The following FAM3C variants were observed in gnomAD, a reference collection of about 807,000 sequenced individuals.
The protein encoded by FAM3C is FAM3 metabolism regulating signaling molecule C.
In FAM3C, 15 loss-of-function variants were observed where a neutral mutation model predicts 32.5. The observed-to-expected ratio is 0.46, with a 90% confidence interval of 0.31 to 0.71. The LOEUF is 0.71. Among genes scored for constraint, FAM3C ranks in the 30% least tolerant of loss-of-function variants. The pLI, the probability that FAM3C is intolerant of heterozygous loss-of-function variation, is 0.05. For missense variants in FAM3C, 175 were observed against 274.4 expected, an observed-to-expected ratio of 0.64 and a Z score of 2.56; for synonymous variants, 75 against 86.1, an observed-to-expected ratio of 0.87 and a Z score of 0.72.
rs1793889022 is a variant in FAM3C, at chr7:121,360,073, A to G, written c.437T>C (p.Leu146Ser). Residue 146 changes from leucine (L) to serine (S), a missense_variant, in exon 8 of 10, where the codon TTA (leucine) becomes TCA (serine). Coordinates refer to ENST00000359943, the MANE Select transcript of FAM3C (RefSeq NM_014888.3). Reference sequence around the variant, plus strand: ...TGCTCCATCATCGTATGTTCCCATTAAAACTATTGTTCCATCTTGTATGGC... The same window carrying G: ...TGCTCCATCATCGTATGTTCCCATTGAAACTATTGTTCCATCTTGTATGGC... The part of the protein sequence containing the change: ...LKAIQDGTIV[L>S]MGTYDDGATK... The G allele has an allele frequency of 1.3e-6, 2 of 1,593,862 alleles. No homozygotes were observed. The highest frequency in any genetic ancestry group is 1.7e-6 in the Non-Finnish European group (2 of 1,162,146).
intron 9 of FAM3C, 88 bp downstream of exon 9, chr7:121,351,055 C>A: frequency 8.2e-7 from 1 of 1,220,950 alleles, no homozygotes; most frequent in South Asian, 1.5e-5. Context: ...TCCGCTTTAT[C>A]TAATTTTCAA....
At chr7:121,374,802 G>A (rs1486459477) in intron 3 of FAM3C, among the ~76,000 whole-genome samples, 1 of 152,168 alleles carries the variant, frequency 6.6e-6, no homozygotes, top group Non-Finnish European at 1.5e-5. Flanking sequence ...CACTTTGCAG[G>A]TTCTTAACAT....
intron 3 of FAM3C, among the ~76,000 whole-genome samples, chr7:121,374,858 C>T (rs187578483): frequency 2.6e-4 from 40 of 152,302 alleles, no homozygotes; most frequent in Non-Finnish European, 4.6e-4. Context: ...AGTAACTCAA[C>T]GTTTGTTCAT....
intron 8 of FAM3C, among the ~76,000 whole-genome samples, chr7:121,352,319 G>GT (rs34520973): frequency 0.13 from 20,467 of 151,954 alleles, 3,526 homozygotes; most frequent in African/African-American, 0.4. Flanking sequence ...TACTCTTATG[G>GT]TTTTTTTAAA....
chr7:121,361,871 G>A (rs892511275), intron 7 of FAM3C, among the ~76,000 whole-genome samples: 5 of 152,174 alleles, frequency 3.3e-5, no homozygotes, highest in Non-Finnish European at 7.3e-5. Context: ...TAGAGACGGG[G>A]TTTCGCTGTG....
intron 8 of FAM3C, 82 bp from the exon 9 acceptor site, chr7:121,351,351 A>C: frequency 1.6e-6 from 2 of 1,260,842 alleles, no homozygotes; most frequent in Non-Finnish European, 2.1e-6. Flanking sequence ...TTAACACAAA[A>C]CATGAGACAA....
intron 1 of FAM3C, among the ~76,000 whole-genome samples, chr7:121,386,573 C>T (rs903582939): frequency 6.6e-6 from 1 of 151,762 alleles, no homozygotes; most frequent in African/African-American, 2.4e-5. Context: ...CACACACACA[C>T]AAACACGCAC....
At chr7:121,392,613 T>C (rs1290493518) in intron 1 of FAM3C, among the ~76,000 whole-genome samples, 1 of 152,208 alleles carries the variant, frequency 6.6e-6, no homozygotes, top group Non-Finnish European at 1.5e-5. Context: ...ACCTTGCGTC[T>C]TTCAAAACTC....
chr7:121,353,331 C>A (rs1259344920), intron 8 of FAM3C, among the ~76,000 whole-genome samples: 2 of 152,102 alleles, frequency 1.3e-5, no homozygotes, highest in African/African-American at 4.8e-5. Flanking sequence ...TATGAATAAA[C>A]CAAGCTGATT....
chr7:121,383,039 C>A, intron 1 of FAM3C, 29 bp from the exon 2 acceptor site: 1 of 1,225,108 alleles, frequency 8.2e-7, no homozygotes, highest in South Asian at 1.3e-5. Context: ...AAGCAAATAT[C>A]ATTAGCTCTA....
intron 1 of FAM3C, among the ~76,000 whole-genome samples, chr7:121,388,235 A>AC (rs1794502253): frequency 1.4e-5 from 2 of 147,920 alleles, no homozygotes; most frequent in South Asian, 2.2e-4. Context: ...CCACCATTTT[A>AC]ACACACACAC....
intron 1 of FAM3C, among the ~76,000 whole-genome samples, chr7:121,385,376 T>C (rs1283870839): frequency 6.6e-6 from 1 of 152,174 alleles, no homozygotes; most frequent in East Asian, 1.9e-4. Flanking sequence ...CCAAATCCAG[T>C]TGCTAATATG....
intron 8 of FAM3C, 90 bp from the exon 9 acceptor site, chr7:121,351,359 C>A: frequency 8.6e-7 from 1 of 1,157,704 alleles, no homozygotes; most frequent in Non-Finnish European, 1.2e-6. Flanking sequence ...AAACATGAGA[C>A]AAAATGAGAC....
chr7:121,389,958 C>A (rs1359450337), intron 1 of FAM3C, among the ~76,000 whole-genome samples: 1 of 152,144 alleles, frequency 6.6e-6, no homozygotes, highest in African/African-American at 2.4e-5. Flanking sequence ...ATTACACCCC[C>A]ATATACACCT....
At position 121,371,175 on chromosome 7, in the gene FAM3C, A is replaced by G. The variant is rs1268934208; in HGVS notation, c.272+125T>C. 4 of 1,200,966 alleles carry G rather than the reference A, an allele frequency of 3.3e-6. No homozygotes were observed. The African/African-American group carries it at 6.1e-5, about 18-fold the overall frequency. The allele number at this position is 1,200,966 out of a possible 1,614,324, so 74.4% of individuals were successfully genotyped here. A position where few individuals can be genotyped will look rare whatever the true frequency, so the allele number is the denominator to read the frequency against. ...TTCATGAGAAAAAAACTACATAACA[A>G]AAATGGAAATCACTTTCCATTAATA... is the stretch of plus-strand genomic sequence containing the variant. On this transcript the variant is annotated intron_variant, in intron 5 of 9. Transcript: ENST00000359943.
At chr7:121,378,521 T>A (rs910802046) in intron 3 of FAM3C, among the ~76,000 whole-genome samples, 2 of 152,140 alleles carry the variant, frequency 1.3e-5, no homozygotes, top group Non-Finnish European at 2.9e-5. Context: ...CTAAAATGCA[T>A]TACCGTGACT....
intron 5 of FAM3C, among the ~76,000 whole-genome samples, chr7:121,365,229 A>G (rs1013625551): frequency 6.6e-6 from 1 of 152,162 alleles, no homozygotes; most frequent in African/African-American, 2.4e-5. Context: ...TATGGTTGCA[A>G]TTGATGAATG....
chr7:121,378,359 C>T (rs1335653212), intron 3 of FAM3C, among the ~76,000 whole-genome samples: 1 of 151,924 alleles, frequency 6.6e-6, no homozygotes, highest in African/African-American at 2.4e-5. Flanking sequence ...TTACTGTCAC[C>T]CAGGCTGGAG....
At chr7:121,393,451 A>G in intron 1 of FAM3C, among the ~76,000 whole-genome samples, 1 of 152,246 alleles carries the variant, frequency 6.6e-6, no homozygotes, top group East Asian at 1.9e-4. Flanking sequence ...AAATAATTTA[A>G]AAATAAAATG....
Sources: gnomAD v4.1 joint callset for allele counts (sites outside exome capture counted in the v4.1 genomes callset) on GRCh38, gnomAD v4.1.1 for gene constraint, MANE v1.5 for transcripts, NCBI Gene and HGNC (gene_info 2026-07-23, HGNC 2026-07-21) for gene names.